The following SUSD1 variants were observed in gnomAD, a reference collection of about 807,000 sequenced individuals.
The protein encoded by SUSD1 is sushi domain-containing protein 1.
Under a neutral mutation model 86.9 loss-of-function variants are expected in SUSD1, and 65 were observed. The observed-to-expected ratio is 0.75, with a 90% CI of 0.61 to 0.92. The LOEUF is 0.92. Among genes scored for constraint, SUSD1 ranks in the 40% least tolerant of loss-of-function variants. The pLI, the probability that SUSD1 is intolerant of heterozygous loss-of-function variation, is 0.00. For missense variants in SUSD1, 850 were observed against 929.7 expected (o/e 0.91, Z 1.11); for synonymous variants, 346 against 350.0 (o/e 0.99, Z 0.13).
At chr9:112,122,638 C>T (rs1831600867) in intron 6 of SUSD1, among the ~76,000 whole-genome samples, 1 of 151,980 alleles carries the variant, frequency 6.6e-6, no homozygotes, top group Non-Finnish European at 1.5e-5. Context: ...GATATATATC[C>T]AAAAGAATTG....
chr9:112,145,979 C>T (rs1265317135), intron 3 of SUSD1: 1 of 152,194 alleles, frequency 6.6e-6, no homozygotes, highest in African/African-American at 2.4e-5. Context: ...AGAGGCCTAC[C>T]TGCAACCAGC....
intron 1 of SUSD1, among the ~76,000 whole-genome samples, chr9:112,160,639 G>A (rs1461284321): frequency 6.6e-6 from 1 of 152,152 alleles, no homozygotes; most frequent in Non-Finnish European, 1.5e-5. Flanking sequence ...TTGATCCCAG[G>A]AGTTTGAGAC....
chr9:112,144,614 A>C (rs1258102482), intron 3 of SUSD1, among the ~76,000 whole-genome samples: 1 of 152,210 alleles, frequency 6.6e-6, no homozygotes, highest in Admixed American at 6.6e-5. Context: ...CTTAAAATTA[A>C]CTTAAAATAT....
At chr9:112,116,752 G>T (rs558358538) in intron 6 of SUSD1, among the ~76,000 whole-genome samples, 1 of 152,190 alleles carries the variant, frequency 6.6e-6, no homozygotes, top group African/African-American at 2.4e-5. Flanking sequence ...ACCCAGGGGG[G>T]AACCAGAGGA....
chr9:112,115,824 G>GAAAAAAAAAAAA (rs58111856), intron 6 of SUSD1, among the ~76,000 whole-genome samples: 13 of 120,930 alleles, frequency 1.1e-4, no homozygotes, highest in East Asian at 2.4e-4. Context: ...AAAAAAAAAA[G>GAAAAAAAAAAAA]AAAAAAAAAA....
At chr9:112,077,635 G>A (rs185439526) in intron 12 of SUSD1, among the ~76,000 whole-genome samples, 1 of 148,712 alleles carries the variant, frequency 6.7e-6, no homozygotes, top group Non-Finnish European at 1.5e-5. Context: ...CTCCCGAGTA[G>A]CTGGGATTAC....
chr9:112,065,490 A>G (rs1828938515), intron 12 of SUSD1, among the ~76,000 whole-genome samples: 1 of 152,222 alleles, frequency 6.6e-6, no homozygotes, highest in African/African-American at 2.4e-5. Context: ...GTGCCACTGC[A>G]CTCCAGCCTG....
rs1334699279 is a variant in SUSD1, at chr9:112,142,328, T to C, written c.698A>G (p.His233Arg). 1.3e-6 allele frequency: 2 copies of C among 1,572,778 alleles called. No homozygotes were observed. The highest frequency in any genetic ancestry group is 2.7e-5 in the African/African-American group (2 of 73,210). The change falls in exon 5 of 17, where the codon CAT becomes CGT. Residue 233 changes from histidine to arginine, a missense_variant. Transcript: ENST00000374270. ...ATTTTTTGAAAACTCACCTTGGCAA[T>C]GTAATTTTGGGGACTCCCATGTGCC... ...GLGTWESPKL[H>R]CQEINCGNPP...
intron 2 of SUSD1, among the ~76,000 whole-genome samples, chr9:112,150,157 C>A (rs969039551): frequency 2.0e-5 from 3 of 152,232 alleles, no homozygotes; most frequent in Non-Finnish European, 4.4e-5. Flanking sequence ...ACGAAAGCAG[C>A]TGTAGACAAC....
chr9:112,079,512 T>C (rs1377053244), intron 11 of SUSD1, among the ~76,000 whole-genome samples: 3 of 152,114 alleles, frequency 2.0e-5, no homozygotes, highest in Admixed American at 1.3e-4. Context: ...GACCCTACCC[T>C]TTCCTTAACC....
At chr9:112,136,406 T>C (rs967775014) in intron 5 of SUSD1, among the ~76,000 whole-genome samples, 4 of 152,098 alleles carry the variant, frequency 2.6e-5, no homozygotes, top group African/African-American at 9.7e-5. Context: ...GACAATGTTA[T>C]ATGTTTTCGT....
At chr9:112,085,240 C>A (rs1439866629) in intron 10 of SUSD1, among the ~76,000 whole-genome samples, 1 of 152,220 alleles carries the variant, frequency 6.6e-6, no homozygotes, top group Non-Finnish European at 1.5e-5. Context: ...CCATAACATG[C>A]ATTTCACCTA....
chr9:112,125,786 T>C (rs1831748580), intron 5 of SUSD1, among the ~76,000 whole-genome samples: 1 of 152,210 alleles, frequency 6.6e-6, no homozygotes, highest in Non-Finnish European at 1.5e-5. Flanking sequence ...ATAGATGGCT[T>C]CTTTTAAATG....
At chr9:112,122,049 G>A (rs1362855983) in intron 6 of SUSD1, among the ~76,000 whole-genome samples, 3 of 152,198 alleles carry the variant, frequency 2.0e-5, no homozygotes, top group African/African-American at 7.2e-5. Flanking sequence ...CACTCTCTGA[G>A]GTAAGAAAAA....
intron 12 of SUSD1, among the ~76,000 whole-genome samples, chr9:112,073,014 C>G (rs1014114963): frequency 1.3e-5 from 2 of 152,128 alleles, no homozygotes; most frequent in Non-Finnish European, 2.9e-5. Flanking sequence ...TGTGGGTAAC[C>G]AACCATGAAA....
intron 8 of SUSD1, chr9:112,104,936 A>G (rs1252581709): frequency 6.6e-6 from 1 of 152,220 alleles, no homozygotes; most frequent in Non-Finnish European, 1.5e-5. Context: ...AAAAAAGAAA[A>G]TATTGAGCAA....
chr9:112,058,283 T>C (rs1828541567), intron 14 of SUSD1, 145 bp downstream of exon 14: 2 of 1,122,340 alleles, frequency 1.8e-6, no homozygotes, highest in Non-Finnish European at 2.5e-6. Context: ...CTGTCCCTTC[T>C]TCATAAAGGC....
intron 9 of SUSD1, among the ~76,000 whole-genome samples, chr9:112,098,942 G>A (rs1022061883): frequency 4.0e-5 from 6 of 151,892 alleles, no homozygotes; most frequent in South Asian, 4.2e-4. Flanking sequence ...TGATTATAAC[G>A]CAAGTGAAAG....
chr9:112,091,631 G>A (rs1484429830), intron 10 of SUSD1, among the ~76,000 whole-genome samples: 1 of 152,076 alleles, frequency 6.6e-6, no homozygotes, highest in African/African-American at 2.4e-5. Flanking sequence ...ATAGACAGTT[G>A]GCTTTGCAAG....
Sources: gnomAD v4.1 joint callset for allele counts (sites outside exome capture counted in the v4.1 genomes callset) on GRCh38, gnomAD v4.1.1 for gene constraint, MANE v1.5 for transcripts, NCBI Gene and HGNC (gene_info 2026-07-23, HGNC 2026-07-21) for gene names.